The following PEPD variants were observed in gnomAD, a reference collection of about 807,000 sequenced individuals.
PEPD encodes xaa-Pro dipeptidase.
In PEPD, 53 loss-of-function variants were observed where a neutral mutation model predicts 60.7. The observed-to-expected ratio is 0.87, with a 90% CI of 0.70 to 1.10. PEPD has a LOEUF of 1.10. Among genes scored for constraint, PEPD ranks in the 50% least tolerant of loss-of-function variants. PEPD has a pLI of 0.00. For synonymous variants in PEPD, 267 were observed against 284.1 expected (o/e 0.94, Z 0.60); for missense variants, 711 against 711.9 (o/e 1.00, Z 0.01).
At chr19:33,474,235 C>A (rs1214297057) in intron 7 of PEPD, among the ~76,000 whole-genome samples, 1 of 152,208 alleles carries the variant, frequency 6.6e-6, no homozygotes, top group Non-Finnish European at 1.5e-5. Flanking sequence ...TCCACGGGTG[C>A]CCCCTCAGAG....
At chr19:33,432,909 G>A (rs970015687) in intron 9 of PEPD, among the ~76,000 whole-genome samples, 2 of 152,234 alleles carry the variant, frequency 1.3e-5, no homozygotes, top group Non-Finnish European at 2.9e-5. Context: ...ACATGCACAC[G>A]CCTTCCAGAG....
At chr19:33,428,969 T>G (rs8101943) in intron 9 of PEPD, among the ~76,000 whole-genome samples, 7 of 152,156 alleles carry the variant, frequency 4.6e-5, no homozygotes, top group African/African-American at 1.7e-4. Flanking sequence ...CGAGTGGAGA[T>G]CTAGCCCTGT....
At chr19:33,460,053 T>C (rs1186883418) in intron 9 of PEPD, among the ~76,000 whole-genome samples, 4 of 152,126 alleles carry the variant, frequency 2.6e-5, no homozygotes, top group African/African-American at 9.7e-5. Flanking sequence ...CTGGTAGCAG[T>C]TGAGCCTGTG....
At chr19:33,462,951 GTTTT>G in intron 9 of PEPD, 40 bp downstream of exon 9, 1 of 1,301,262 alleles carries the variant, frequency 7.7e-7, no homozygotes, top group Non-Finnish European at 1.1e-6. Flanking sequence ...ATAAATTACT[GTTTT>G]TTACCTTTTA....
intron 10 of PEPD, 41 bp from the exon 11 acceptor site, chr19:33,411,790 T>G (rs564853753): frequency 8.0e-7 from 1 of 1,246,780 alleles, no homozygotes; most frequent in Non-Finnish European, 1.2e-6. Context: ...CCCATTCTTC[T>G]GCAGCAGGCT....
chr19:33,455,000 A>C (rs1969770401), intron 9 of PEPD, among the ~76,000 whole-genome samples: 1 of 152,232 alleles, frequency 6.6e-6, no homozygotes, highest in South Asian at 2.1e-4. Flanking sequence ...CGAAAGTGTC[A>C]AGGTCATCAA....
chr19:33,432,526 G>A (rs527793622), intron 9 of PEPD, among the ~76,000 whole-genome samples: 75 of 152,234 alleles, frequency 4.9e-4, no homozygotes, highest in Non-Finnish European at 9.4e-4. Context: ...CTGAAGAGCC[G>A]ATTGAAAAAG....
chr19:33,453,050 G>A (rs80129593), intron 9 of PEPD, among the ~76,000 whole-genome samples: 5,277 of 152,300 alleles, frequency 0.035, 153 homozygotes, highest in East Asian at 0.079. Context: ...GGCCAGGCAT[G>A]GTGGCTCACG....
chr19:33,387,543 C>A (rs1029500021), intron 14 of PEPD, 62 bp from the exon 15 acceptor site: 1 of 1,604,474 alleles, frequency 6.2e-7, no homozygotes, highest in East Asian at 2.2e-5. Flanking sequence ...GCTAGAGGGC[C>A]GGGCCCATTC....
chr19:33,433,924 A>G (rs765580245), intron 9 of PEPD, among the ~76,000 whole-genome samples: 4 of 152,190 alleles, frequency 2.6e-5, no homozygotes, highest in Non-Finnish European at 5.9e-5. Context: ...TTATCAAAAT[A>G]TATGCCAGTA....
At chr19:33,506,140 AAC>A (rs1249517333) in intron 3 of PEPD, among the ~76,000 whole-genome samples, 1 of 137,894 alleles carries the variant, frequency 7.3e-6, no homozygotes, top group East Asian at 2.4e-4. Flanking sequence ...ATCCACACAC[AAC>A]ACAGCACATT....
chr19:33,506,863 C>T (rs1970823619), intron 3 of PEPD, among the ~76,000 whole-genome samples: 1 of 150,890 alleles, frequency 6.6e-6, no homozygotes, highest in Non-Finnish European at 1.5e-5. Context: ...CTCATAAACA[C>T]CCTACACACC....
At chr19:33,413,233 C>A (rs1009310503) in intron 10 of PEPD, among the ~76,000 whole-genome samples, 1 of 152,252 alleles carries the variant, frequency 6.6e-6, no homozygotes, top group African/African-American at 2.4e-5. Context: ...ACAGCCCGGT[C>A]CCCACATGCT....
intron 4 of PEPD, among the ~76,000 whole-genome samples, chr19:33,497,973 G>A (rs1970638006): frequency 6.6e-6 from 1 of 152,102 alleles, no homozygotes; most frequent in Non-Finnish European, 1.5e-5. Context: ...CTGTGGGACT[G>A]TGGACGAGGC....
intron 1 of PEPD, among the ~76,000 whole-genome samples, chr19:33,513,944 A>AGCCTCTGCAGCAATGCCCCTT (rs57039126): frequency 7.1e-6 from 1 of 140,490 alleles, no homozygotes; most frequent in East Asian, 2.0e-4. Flanking sequence ...TACCCACCCC[A>AGCCTCTGCAGCAATGCCCCTT]TCCCCCAGCT....
chr19:33,478,528 T>C (rs1306473862), intron 6 of PEPD, among the ~76,000 whole-genome samples: 1 of 152,112 alleles, frequency 6.6e-6, no homozygotes, highest in Non-Finnish European at 1.5e-5. Flanking sequence ...AGACACATGA[T>C]AATCAAACTG....
At chr19:33,443,493 T>C (rs1969524349) in intron 9 of PEPD, among the ~76,000 whole-genome samples, 1 of 152,260 alleles carries the variant, frequency 6.6e-6, no homozygotes, top group African/African-American at 2.4e-5. Context: ...TATGATTCTA[T>C]TTCCTACATA....
At chr19:33,418,172 T>C (rs1968930518) in intron 9 of PEPD, among the ~76,000 whole-genome samples, 1 of 152,242 alleles carries the variant, frequency 6.6e-6, no homozygotes, top group Admixed American at 6.5e-5. Context: ...CAAGCAGTTG[T>C]GCTGTGTATA....
chr19:33,427,808 AT>A (rs1389417945), intron 9 of PEPD, among the ~76,000 whole-genome samples: 1 of 152,228 alleles, frequency 6.6e-6, no homozygotes, highest in Admixed American at 6.5e-5. Flanking sequence ...TATCTTAATT[AT>A]TCTTTGCCTA....
Sources: allele counts gnomAD v4.1 joint callset (sites outside exome capture counted in the v4.1 genomes callset), GRCh38; gene constraint gnomAD v4.1.1; transcripts MANE v1.5; gene names NCBI Gene and HGNC (gene_info 2026-07-23, HGNC 2026-07-21).